The following ARG2 variants were observed in gnomAD, a reference collection of about 807,000 sequenced individuals.
ARG2 encodes arginase 2.
Under a neutral mutation model 39.4 loss-of-function variants are expected in ARG2, and 21 were observed. That is an observed-to-expected ratio of 0.53 (90% CI 0.38 to 0.77). ARG2 has a LOEUF of 0.77. ARG2 is among the 30% of genes least tolerant of loss of function. The pLI is 0.00. For synonymous variants in ARG2, 150 were observed against 156.7 expected, an observed-to-expected ratio of 0.96 and a Z score of 0.32; for missense variants, 378 against 426.2, an observed-to-expected ratio of 0.89 and a Z score of 1.00.
chr14:67,638,963 G>C lies in ARG2; in HGVS notation c.185-3223G>C, dbSNP rs543878909. Among the ~76,000 whole-genome samples, 48 of 152,338 alleles carry C rather than the reference G, an allele frequency of 3.2e-4. No homozygotes were observed. The South Asian group carries it at 9.5e-3, about 30-fold the overall frequency. The stretch of plus-strand genomic sequence containing the variant: ...GAATGCTGTTTGGTGAGATGGCATC[G>C]GAGTAAATGGAGTTGGACAATGTGG... On this transcript the variant is annotated intron_variant, in intron 2 of 7. Transcript: ENST00000261783.
intron 2 of ARG2, among the ~76,000 whole-genome samples, chr14:67,638,152 A>G (rs1260146092): frequency 6.6e-6 from 1 of 152,224 alleles, no homozygotes; most frequent in Admixed American, 6.5e-5. Flanking sequence ...TGTTTGAGCC[A>G]TATTTTGGGC....
At chr14:67,623,414 G>A (rs147031620) in intron 2 of ARG2, among the ~76,000 whole-genome samples, 5 of 151,692 alleles carry the variant, frequency 3.3e-5, no homozygotes, top group African/African-American at 9.7e-5. Flanking sequence ...GGCTGCCGGT[G>A]TTACCATAGC....
rs796703601 is a variant in ARG2, at chr14:67,626,680, G to T, written c.184+5714G>T. On this transcript the variant is annotated intron_variant, in intron 2 of 7. Coordinates refer to ENST00000261783, the MANE Select transcript of ARG2 (RefSeq NM_001172.4). ...TTGCCATGTTGGCCAGGTTGGTCTC[G>T]AACTCCTAGCCTCAAGTGATCCACC... Among the ~76,000 whole-genome samples, 3 of 152,184 alleles carry T rather than the reference G, an allele frequency of 2.0e-5. No individual in the cohort carries two copies. The East Asian group carries it at 5.8e-4, about 29-fold the overall frequency.
intron 3 of ARG2, 118 bp from the exon 4 acceptor site, chr14:67,645,525 C>A: frequency 8.7e-7 from 1 of 1,154,982 alleles, no homozygotes; most frequent in Non-Finnish European, 1.2e-6. Flanking sequence ...AACCCAGTCT[C>A]CATCTAGGCC....
chr14:67,651,477 TCA>T lies in ARG2; in HGVS notation c.*559_*560del. ...ATGGAAAGCAGCAGCTTGTTGGTTGTCACTCTACAAAGAGAAGCAAAGTGGGG... is the reference window on the plus strand; with the variant it reads ...ATGGAAAGCAGCAGCTTGTTGGTTGTCTCTACAAAGAGAAGCAAAGTGGGG... On this transcript the variant is annotated 3_prime_UTR_variant, in exon 8 of 8. Transcript: ENST00000261783. 6.2e-7 allele frequency: 1 copy of T among 1,613,716 alleles called. No individual in the cohort carries two copies. The highest frequency in any genetic ancestry group is 8.5e-7 in the Non-Finnish European group (1 of 1,179,656).
chr14:67,649,895 C>T (rs2037149914), intron 7 of ARG2: 1 of 152,108 alleles, frequency 6.6e-6, no homozygotes, highest in African/African-American at 2.4e-5. Context: ...AAGTTAAATT[C>T]TATAGAGAAG....
In ARG2 at chr14:67,651,660, T is replaced by G. The variant is rs1389017786; in HGVS notation, c.*740T>G. On this transcript the variant is annotated 3_prime_UTR_variant, in exon 8 of 8. Transcript: ENST00000261783. Reference sequence around the variant, plus strand: ...GCTGTCACTTAGGGATAACACTGTCTACCTCACAGAAATGTTAAACTGAGA... The same window carrying G: ...GCTGTCACTTAGGGATAACACTGTCGACCTCACAGAAATGTTAAACTGAGA... 3 of 508,852 alleles carry G rather than the reference T, an allele frequency of 5.9e-6. No individual in the cohort carries two copies. The East Asian group carries it at 1.1e-4, about 19-fold the overall frequency. The allele number at this position is 508,852 out of a possible 1,614,324, so 31.5% of individuals were successfully genotyped here. A position where few individuals can be genotyped will look rare whatever the true frequency, so the allele number is the denominator to read the frequency against.
rs1346060699 is a variant in ARG2 at position 67,646,962 on chromosome 14, G to A, written c.659G>A (p.Arg220Lys). Reference protein sequence around the residue: ...KNYDIQYFSMRDIDRLGIQKV... With the variant: ...KNYDIQYFSMKDIDRLGIQKV... ...TATGATATCCAGTATTTTTCCATGA[G>A]AGATATTGATCGACTTGGTATCCAG... Residue 220 changes from arginine (R) to lysine (K), a missense_variant, in exon 6 of 8, where the codon AGA becomes AAA. Physicochemically the swap from Arg to Lys is conservative, Grantham distance 26 (BLOSUM62 2). Transcript: ENST00000261783. The A allele has an allele frequency of 1.9e-6, 3 of 1,612,318 alleles. No individual in the cohort carries two copies. In the Admixed American group the frequency reaches 5.0e-5, roughly 27 times the overall value.
chr14:67,646,875 A>C (rs765825080), intron 5 of ARG2, 46 bp from the exon 6 acceptor site: 1 of 1,452,356 alleles, frequency 6.9e-7, no homozygotes, highest in South Asian at 1.1e-5. Flanking sequence ...TATTTGTTAA[A>C]AATGCTCTTT....
intron 2 of ARG2, among the ~76,000 whole-genome samples, chr14:67,624,247 G>T (rs1418055783): frequency 6.6e-6 from 1 of 151,752 alleles, no homozygotes; most frequent in Admixed American, 6.6e-5. Context: ...TTCAAGAAAA[G>T]CCAGAAATTT....
intron 1 of ARG2, among the ~76,000 whole-genome samples, chr14:67,620,662 C>G (rs1324882748): frequency 6.6e-6 from 1 of 152,086 alleles, no homozygotes; most frequent in African/African-American, 2.4e-5. Context: ...GTCTCTGGCC[C>G]GAGCCAGCCC....
At chr14:67,625,680 C>CAAAAAAA (rs1176476000) in intron 2 of ARG2, among the ~76,000 whole-genome samples, 30 of 31,860 alleles carry the variant, frequency 9.4e-4, no homozygotes, top group Middle Eastern at 0.016. Flanking sequence ...AACTCCATCT[C>CAAAAAAA]AAAAAAAAAA....
At position 67,645,818 on chromosome 14, in the gene ARG2, CGAAAAGAAAG is replaced by C; in HGVS notation, c.522+18_522+27del. 6.2e-7 allele frequency: 1 copy of C among 1,612,324 alleles called. No individual in the cohort carries two copies. The highest frequency in any genetic ancestry group is 8.5e-7 in the Non-Finnish European group (1 of 1,179,160). ...ACAGGATAAGGTCAGTGGGCCAAAA[CGAAAAGAAAG>C]GTGAATGGCTTGCAGGGTTTTGCTG... is the stretch of plus-strand genomic sequence containing the variant. On this transcript the variant is annotated intron_variant, in intron 4 of 7. Transcript: ENST00000261783.
At chr14:67,625,680 C>CAAAAAAAAAA (rs1176476000) in intron 2 of ARG2, among the ~76,000 whole-genome samples, 1 of 32,112 alleles carries the variant, frequency 3.1e-5, no homozygotes, top group African/African-American at 1.0e-4. Context: ...AACTCCATCT[C>CAAAAAAAAAA]AAAAAAAAAA....
intron 2 of ARG2, among the ~76,000 whole-genome samples, chr14:67,632,750 A>AGAAG: frequency 6.7e-6 from 1 of 149,972 alleles, no homozygotes; most frequent in East Asian, 2.0e-4. Context: ...ATTATGAAAT[A>AGAAG]GAAGGAAGGA....
At chr14:67,645,056 A>G (rs1252027903) in intron 3 of ARG2, among the ~76,000 whole-genome samples, 1 of 151,666 alleles carries the variant, frequency 6.6e-6, no homozygotes, top group African/African-American at 2.4e-5. Context: ...CATGCAATAC[A>G]TCTTTTTACT....
At position 67,619,995 on chromosome 14, in the gene ARG2, C is replaced by T. The variant is rs925334489; in HGVS notation, c.18C>T (p.Ser6=). The T allele has an allele frequency of 1.2e-6, 2 of 1,606,172 alleles. No individual in the cohort carries two copies. Among genetic ancestry groups the T allele is most frequent in the East Asian group, 2.3e-5 (1 of 44,000 alleles). Residue 6 remains serine, a synonymous_variant, in exon 1 of 8, where the codon AGC becomes AGT. Coordinates refer to ENST00000261783, the MANE Select transcript of ARG2 (RefSeq NM_001172.4). The part of the protein sequence containing the change: MSLRG[S]LSRLLQTRVH... ...TGCGGATCATGTCCCTAAGGGGCAGCCTCTCGCGTCTCCTCCAGACGCGAG... is the reference window on the plus strand; with the variant it reads ...TGCGGATCATGTCCCTAAGGGGCAGTCTCTCGCGTCTCCTCCAGACGCGAG...
chr14:67,642,883 A>AC (rs2037052686), intron 3 of ARG2, among the ~76,000 whole-genome samples: 1 of 134,798 alleles, frequency 7.4e-6, no homozygotes, highest in South Asian at 2.3e-4. Context: ...GCTCACTGCA[A>AC]CCTCTGCCTC....
chr14:67,644,864 G>T (rs541013127), intron 3 of ARG2, among the ~76,000 whole-genome samples: 1 of 152,186 alleles, frequency 6.6e-6, no homozygotes, highest in East Asian at 1.9e-4. Flanking sequence ...CAGGCATGGT[G>T]GCATGTGCCT....
Sources: gnomAD v4.1 joint callset for allele counts (sites outside exome capture counted in the v4.1 genomes callset) on GRCh38, gnomAD v4.1.1 for gene constraint, MANE v1.5 for transcripts, NCBI Gene and HGNC (gene_info 2026-07-23, HGNC 2026-07-21) for gene names.